The following NOTCH2NLB variants were observed in gnomAD, a reference collection of about 807,000 sequenced individuals.
NOTCH2NLB encodes notch 2 N-terminal like B.
Under a neutral mutation model 14.8 loss-of-function variants are expected in NOTCH2NLB, and 1 was observed. The observed-to-expected ratio is 0.07, with a 90% CI of 0.02 to 0.32. The LOEUF (loss-of-function observed/expected upper bound fraction) is 0.32. Among genes scored for constraint, NOTCH2NLB ranks in the 10% least tolerant of loss-of-function variants. The pLI is 1.00. For missense variants in NOTCH2NLB, 11 were observed against 155.0 expected, an observed-to-expected ratio of 0.07 and a Z score of 4.93; for synonymous variants, 6 against 57.5, an observed-to-expected ratio of 0.10 and a Z score of 4.05.
At chr1:148,670,566 A>ATATG (rs1664755317) in intron 1 of NOTCH2NLB, among the ~76,000 whole-genome samples, 1 of 139,032 alleles carries the variant, frequency 7.2e-6, no homozygotes, top group African/African-American at 2.6e-5. Flanking sequence ...ATATATATAT[A>ATATG]TATATATATA....
At chr1:148,609,159 A>C (rs1663605647) in intron 3 of NOTCH2NLB, among the ~76,000 whole-genome samples, 1 of 138,262 alleles carries the variant, frequency 7.2e-6, no homozygotes, top group Admixed American at 7.2e-5. Flanking sequence ...GGTTTGTTAC[A>C]TATGTATATA....
chr1:148,707,809 T>C, the NOTCH2NLB span, among the ~76,000 whole-genome samples: 3 of 144,422 alleles, frequency 2.1e-5, no homozygotes, highest in East Asian at 4.1e-4. Context: ...AATAAAATTA[T>C]CTGTCTTCTG....
chr1:148,638,095 T>C (rs1664255567), intron 2 of NOTCH2NLB, among the ~76,000 whole-genome samples: 2 of 148,890 alleles, frequency 1.3e-5, no homozygotes, highest in Non-Finnish European at 1.5e-5. Context: ...TATAATCCTT[T>C]GGGTATATAC....
intron 2 of NOTCH2NLB, among the ~76,000 whole-genome samples, chr1:148,627,789 T>C (rs1267480760): frequency 6.9e-6 from 1 of 144,944 alleles, no homozygotes; most frequent in Non-Finnish European, 1.5e-5. Context: ...GTCAACAGAC[T>C]AAAATTATTA....
At chr1:148,651,162 A>ATATATATACATAT (rs1325402394) in intron 1 of NOTCH2NLB, among the ~76,000 whole-genome samples, 2 of 46,028 alleles carry the variant, frequency 4.3e-5, no homozygotes, top group East Asian at 1.8e-3. Context: ...AAAAAAAAAA[A>ATATATATACATAT]ATATATATAT....
At chr1:148,630,203 G>A (rs1664069919) in intron 2 of NOTCH2NLB, among the ~76,000 whole-genome samples, 1 of 119,552 alleles carries the variant, frequency 8.4e-6, no homozygotes, top group Non-Finnish European at 1.7e-5. Flanking sequence ...CGCAAAACAT[G>A]GCCACAAGCC....
intron 2 of NOTCH2NLB, among the ~76,000 whole-genome samples, chr1:148,637,162 G>A (rs1444019920): frequency 1.4e-5 from 2 of 142,514 alleles, no homozygotes; most frequent in African/African-American, 5.4e-5. Flanking sequence ...TCTGCCTCCT[G>A]GTTTCAGGCC....
chr1:148,651,194 T>TATATATATATATATA (rs1664505128), intron 1 of NOTCH2NLB, among the ~76,000 whole-genome samples: 5 of 122,232 alleles, frequency 4.1e-5, no homozygotes, highest in Admixed American at 8.1e-5. Context: ...TATATATATA[T>TATATATATATATATA]TCCTGAACTT....
downstream of NOTCH2NLB, among the ~76,000 whole-genome samples, chr1:148,606,412 C>CT (rs1228864529): frequency 1.6e-5 from 2 of 126,606 alleles, no homozygotes; most frequent in Non-Finnish European, 3.2e-5. Context: ...AGAACAACTT[C>CT]TTTTTGAGGC....
chr1:148,645,680 C>T (rs1199796594), intron 1 of NOTCH2NLB, among the ~76,000 whole-genome samples: 8 of 149,124 alleles, frequency 5.4e-5, no homozygotes, highest in African/African-American at 2.0e-4. Flanking sequence ...TATCTAAATT[C>T]TACCCATTCC....
intron 2 of NOTCH2NLB, among the ~76,000 whole-genome samples, chr1:148,637,382 C>G (rs1176171475): frequency 7.4e-6 from 1 of 134,274 alleles, no homozygotes; most frequent in East Asian, 2.1e-4. Context: ...GGTGTCCTCT[C>G]CTGGTAAGTG....
At chr1:148,670,312 T>A (rs1198524367) in intron 1 of NOTCH2NLB, among the ~76,000 whole-genome samples, 3 of 135,034 alleles carry the variant, frequency 2.2e-5, no homozygotes, top group African/African-American at 7.8e-5. Flanking sequence ...ATTAAATGAG[T>A]AAAAGACACA....
At position 148,625,339 on chromosome 1, in the gene NOTCH2NLB, C is replaced by CT. The variant is rs1156615359; in HGVS notation, c.78-9390dup. Among the ~76,000 whole-genome samples, 336 of 59,852 alleles carry CT rather than the reference C, an allele frequency of 5.6e-3. 39 individuals carry two copies. The highest frequency in any genetic ancestry group is 8.8e-3 in the East Asian group (10 of 1,132). 39.3% of individuals were successfully genotyped at this position (59,852 alleles called of 152,430 possible). On this transcript the variant is annotated intron_variant, in intron 2 of 4. Coordinates refer to ENST00000593495, the Ensembl canonical transcript of NOTCH2NLB. ...GGCTTTGCTGCAGCTCTGTCTTTAG[C>CT]TTTTTTTTTTTTTTTTTTTTAAAAC...
rs1467826844 is a variant in NOTCH2NLB at position 148,637,373 on chromosome 1, G to T, written c.77+2643C>A. ...ACTTCTTCCCAACAGTGACCCTTAG[G>T]TGTCCTCTCCTGGTAAGTGCTCAGA... On this transcript the variant is annotated intron_variant, in intron 2 of 4. Transcript: ENST00000593495. Among the ~76,000 whole-genome samples, 129 of 134,322 alleles carry T rather than the reference G, an allele frequency of 9.6e-4. 5 individuals are homozygous for T. The South Asian group carries it at 0.018, about 19-fold the overall frequency. The allele number at this position is 134,322 out of a possible 152,430, so 88.1% of individuals were successfully genotyped here.
At chr1:148,637,067 C>CTTT (rs1244676926) in intron 2 of NOTCH2NLB, among the ~76,000 whole-genome samples, 6 of 79,698 alleles carry the variant, frequency 7.5e-5, no homozygotes, top group East Asian at 4.0e-4. Context: ...GCTCCATTTT[C>CTTT]TTTTTTTTTT....
chr1:148,658,406 A>AC, intron 1 of NOTCH2NLB, among the ~76,000 whole-genome samples: 1 of 49,004 alleles, frequency 2.0e-5, no homozygotes, highest in Middle Eastern at 9.1e-3. Context: ...TCTCTATTCT[A>AC]CCCCTTTTTC....
chr1:148,670,535 A>ACATATAT (rs1347581270), intron 1 of NOTCH2NLB, among the ~76,000 whole-genome samples: 9 of 60,538 alleles, frequency 1.5e-4, no homozygotes, highest in Non-Finnish European at 2.3e-4. Flanking sequence ...AAACTAAAAA[A>ACATATAT]AAAAATATAT....
At chr1:148,604,948 TATACAC>T (rs1328682657), downstream of NOTCH2NLB, among the ~76,000 whole-genome samples, 951 of 99,960 alleles carry the variant, frequency 9.5e-3, no homozygotes, top group Middle Eastern at 0.014. Context: ...CACAACGCCA[TATACAC>T]ACACACACAC....
At chr1:148,659,957 G>GT (rs1664608936) in intron 1 of NOTCH2NLB, among the ~76,000 whole-genome samples, 1 of 138,632 alleles carries the variant, frequency 7.2e-6, no homozygotes, top group Non-Finnish European at 1.6e-5. Flanking sequence ...GGCTTACGGT[G>GT]TTTTTTCAAA....
Sources: gnomAD v4.1 joint callset for allele counts (sites outside exome capture counted in the v4.1 genomes callset) on GRCh38, gnomAD v4.1.1 for gene constraint, MANE v1.5 for transcripts, NCBI Gene and HGNC (gene_info 2026-07-23, HGNC 2026-07-21) for gene names.